The following LHFPL5 variants were observed in gnomAD, a reference collection of about 807,000 sequenced individuals.
LHFPL5 encodes the protein LHFPL tetraspan subfamily member 5.
In LHFPL5, 12 loss-of-function variants were observed where a neutral mutation model predicts 18.7. The ratio of observed to expected loss-of-function variants is 0.64; its 90% CI spans 0.41 to 1.04. LHFPL5 has a LOEUF of 1.04. Among genes scored for constraint, LHFPL5 ranks in the 50% least tolerant of loss-of-function variants. The pLI is 0.00. For synonymous variants in LHFPL5, 111 were observed against 120.2 expected (o/e 0.92, Z 0.50); for missense variants, 259 against 292.1 (o/e 0.89, Z 0.83).
intron 1 of LHFPL5, among the ~76,000 whole-genome samples, chr6:35,807,533 C>A (rs1325044163): frequency 6.6e-6 from 1 of 152,114 alleles, no homozygotes. Flanking sequence ...GTGCCGGGGA[C>A]TGGAAACTAG....
chr6:35,818,147 A>G (rs957392798), intron 2 of LHFPL5, among the ~76,000 whole-genome samples: 2 of 152,088 alleles, frequency 1.3e-5, no homozygotes, highest in Admixed American at 6.6e-5. Flanking sequence ...TTCAATTTCT[A>G]TAAAATATTC....
chr6:35,805,641 G>C lies in LHFPL5; in HGVS notation c.-30G>C, dbSNP rs375993440. 339 of 1,613,132 alleles carry C rather than the reference G, an allele frequency of 2.1e-4. No individual in the cohort carries two copies. The highest frequency in any genetic ancestry group is 2.8e-4 in the Non-Finnish European group (330 of 1,179,654). On this transcript the variant is annotated 5_prime_UTR_variant, in exon 1 of 4. Transcript: ENST00000360215. The surrounding 1 kb of genome is among the most constrained non-coding windows in gnomAD (Gnocchi z 4.3). ...AAAGCTACGGACTTGCAGCCCACGG[G>C]ACCCCAGCCCAGGGCCTGCTGCCCT...
intron 2 of LHFPL5, among the ~76,000 whole-genome samples, chr6:35,819,211 A>G (rs1256973430): frequency 2.6e-5 from 4 of 152,224 alleles, no homozygotes. Flanking sequence ...GCCTTTAGGC[A>G]CTGGAAGTAC....
At chr6:35,817,807 G>T (rs543473907) in intron 2 of LHFPL5, among the ~76,000 whole-genome samples, 25 of 152,168 alleles carry the variant, frequency 1.6e-4, no homozygotes, top group Non-Finnish European at 3.4e-4. Flanking sequence ...TTCCTCAAAT[G>T]GTTAATCATA....
At chr6:35,821,091 G>A (rs1051112671) in intron 3 of LHFPL5, among the ~76,000 whole-genome samples, 7 of 152,136 alleles carry the variant, frequency 4.6e-5, no homozygotes, top group Non-Finnish European at 7.4e-5. Flanking sequence ...ATCACCTGAG[G>A]TCAGGAGTTA....
intron 1 of LHFPL5, among the ~76,000 whole-genome samples, chr6:35,808,341 T>C (rs1170358284): frequency 6.9e-6 from 1 of 145,772 alleles, no homozygotes; most frequent in East Asian, 2.0e-4. Flanking sequence ...TAATAAATAA[T>C]ATATATAAAT....
Position 35,805,925 on chromosome 6 carries a change from C to T in LHFPL5, c.255C>T (p.Asp85=). The part of the protein sequence containing the change: ...SELICKGGPL[D]FSSIPSRAFK... ...TCATCTGCAAGGGCGGCCCCCTAGA[C>T]TTCTCCTCCATCCCCTCTAGAGCCT... Residue 85 remains aspartate, a synonymous_variant, in exon 1 of 4, where the codon GAC becomes GAT. Coordinates refer to ENST00000360215, the MANE Select transcript of LHFPL5 (RefSeq NM_182548.4). This position sits in a 1 kb window ranked among gnomAD's most constrained non-coding sequence, Gnocchi z 4.3. 1.2e-6 allele frequency: 2 copies of T among 1,614,250 alleles called. No homozygotes were observed. Among genetic ancestry groups the T allele is most frequent in the Non-Finnish European group, 1.7e-6 (2 of 1,180,040 alleles).
chr6:35,820,268 C>A (rs563724528), intron 3 of LHFPL5, among the ~76,000 whole-genome samples: 1 of 152,148 alleles, frequency 6.6e-6, no homozygotes, highest in East Asian at 1.9e-4. Context: ...TTCCTCATAG[C>A]CGAGGCAAAA....
At chr6:35,811,718 A>G (rs769135643) in intron 1 of LHFPL5, among the ~76,000 whole-genome samples, 2 of 152,222 alleles carry the variant, frequency 1.3e-5, no homozygotes, top group Non-Finnish European at 2.9e-5. Flanking sequence ...TCTGCCCATG[A>G]AGCCAGGGGC....
intron 2 of LHFPL5, among the ~76,000 whole-genome samples, chr6:35,816,397 G>A (rs1768762532): frequency 6.7e-6 from 1 of 149,696 alleles, no homozygotes; most frequent in Non-Finnish European, 1.5e-5. Flanking sequence ...TTACTAGAAA[G>A]AGCTGGGCCA....
Position 35,806,048 on chromosome 6 carries a change from C to T in LHFPL5, c.378C>T (p.Val126=). The T allele has an allele frequency of 1.2e-6, 2 of 1,614,150 alleles. No individual in the cohort carries two copies. The highest frequency in any genetic ancestry group is 1.7e-6 in the Non-Finnish European group (2 of 1,180,034). ...SLFFICNTAT[V]YKICAWMQLA... ...TCTTCATCTGCAACACGGCCACAGT[C>T]TATAAGATCTGTGCATGGATGCAGC... The change falls in exon 1 of 4, where the codon GTC becomes GTT. Residue 126 remains valine, a synonymous_variant. Transcript: ENST00000360215.
At chr6:35,816,657 C>CAA (rs1768768397) in intron 2 of LHFPL5, among the ~76,000 whole-genome samples, 1 of 151,680 alleles carries the variant, frequency 6.6e-6, no homozygotes, top group Non-Finnish European at 1.5e-5. Context: ...ACTAAAAATA[C>CAA]AAAAATTAGC....
intron 2 of LHFPL5, among the ~76,000 whole-genome samples, chr6:35,815,752 C>T (rs1161144732): frequency 2.0e-5 from 3 of 152,188 alleles, no homozygotes; most frequent in African/African-American, 7.2e-5. Context: ...AAGGCAGTGG[C>T]AAAGAAGCCC....
At chr6:35,820,519 T>C (rs1365357939) in intron 3 of LHFPL5, among the ~76,000 whole-genome samples, 1 of 151,824 alleles carries the variant, frequency 6.6e-6, no homozygotes, top group Non-Finnish European at 1.5e-5. Flanking sequence ...GCTAACATGG[T>C]GAAACCCCGT....
chr6:35,816,372 GAAA>G (rs1768762054), intron 2 of LHFPL5, among the ~76,000 whole-genome samples: 1 of 146,850 alleles, frequency 6.8e-6, no homozygotes, highest in Admixed American at 6.8e-5. Flanking sequence ...GAAAAAAAAA[GAAA>G]AAGAAAACAA....
Position 35,805,888 on chromosome 6 carries a change from T to C in LHFPL5, c.218T>C (p.Leu73Pro). The C allele has an allele frequency of 6.2e-7, 1 of 1,614,250 alleles. No homozygotes were observed. The highest frequency in any genetic ancestry group is 1.1e-5 in the South Asian group (1 of 91,088). The change falls in exon 1 of 4, where the codon CTG (leucine) becomes CCG (proline). Residue 73 changes from leucine to proline, a missense_variant. Transcript: ENST00000360215. The surrounding 1 kb of genome is among the most constrained non-coding windows in gnomAD (Gnocchi z 4.3). ...TTCTCCTACTGCGTGGGTAACGTGC[T>C]GTCCTCCGAGCTCATCTGCAAGGGC... ...GLFSYCVGNV[L>P]SSELICKGGP... is the part of the protein sequence containing the mutation.
Position 35,805,976 on chromosome 6 carries a change from C to T in LHFPL5, c.306C>T (p.Ala102=), listed in dbSNP as rs745344545. 3 of 1,614,136 alleles carry T rather than the reference C, an allele frequency of 1.9e-6. No homozygotes were observed. The highest frequency in any genetic ancestry group is 2.5e-6 in the Non-Finnish European group (3 of 1,180,056). ...TCAAGACTGCCATGTTCTTTGTGGC[C>T]TTGGGCATGTTCCTCATCATTGGCT... ...RAFKTAMFFV[A]LGMFLIIGSI... The change falls in exon 1 of 4, where the codon GCC becomes GCT. Residue 102 remains alanine (A), a synonymous_variant. Coordinates refer to ENST00000360215, the MANE Select transcript of LHFPL5 (RefSeq NM_182548.4). The surrounding 1 kb of genome is among the most constrained non-coding windows in gnomAD (Gnocchi z 4.3).
intron 2 of LHFPL5, among the ~76,000 whole-genome samples, chr6:35,818,347 ATGTATTTT>A (rs1373379717): frequency 2.0e-4 from 1 of 5,096 alleles, no homozygotes; most frequent in African/African-American, 4.6e-4. Flanking sequence ...ATATATATAT[ATGTATTTT>A]TTTTTTTTTT....
chr6:35,805,573 CA>C lies in LHFPL5; in HGVS notation c.-95del. The C allele has an allele frequency of 7.2e-7, 1 of 1,393,876 alleles. No homozygotes were observed. Among genetic ancestry groups the C allele is most frequent in the Non-Finnish European group, 1.0e-6 (1 of 996,498 alleles). 86.3% of individuals were successfully genotyped at this position (1,393,876 alleles called of 1,614,324 possible). On this transcript the variant is annotated 5_prime_UTR_variant, in exon 1 of 4. Transcript: ENST00000360215. The surrounding 1 kb of genome is among the most constrained non-coding windows in gnomAD (Gnocchi z 4.3). ...GGTGCCCTGACCTCAGCCTCCTCCCCAAACCCCGCTGGGGAGTGACCTGCTT... is the reference window on the plus strand; with the variant it reads ...GGTGCCCTGACCTCAGCCTCCTCCCCAACCCCGCTGGGGAGTGACCTGCTT...
Sources: gnomAD v4.1 joint callset for allele counts (sites outside exome capture counted in the v4.1 genomes callset) on GRCh38, gnomAD v4.1.1 for gene constraint, Gnocchi (gnomAD v3.1) non-coding constraint, MANE v1.5 for transcripts, NCBI Gene and HGNC (gene_info 2026-07-23, HGNC 2026-07-21) for gene names.